INTU: variants seen among roughly 807,000 people sequenced by gnomAD.
INTU encodes inturned planar cell polarity protein.
Under a neutral mutation model 100.5 loss-of-function variants are expected in INTU, and 68 were observed. The observed-to-expected ratio is 0.68, with a 90% CI of 0.56 to 0.83. The LOEUF (loss-of-function observed/expected upper bound fraction) is 0.83, where lower values mean the gene tolerates loss of function less well. INTU is among the 40% of genes least tolerant of loss of function. The pLI is 0.00. For missense variants in INTU, 1,071 were observed against 1,114.7 expected (o/e 0.96, Z 0.56); for synonymous variants, 357 against 395.7 (o/e 0.90, Z 1.16).
chr4:127,676,987 TCGC>T lies in INTU; in HGVS notation c.1181+2775_1181+2777del, dbSNP rs1290170197. On this transcript the variant is annotated intron_variant, in intron 6 of 15. Coordinates refer to ENST00000335251, the MANE Select transcript of INTU (RefSeq NM_015693.4). Reference sequence around the variant, plus strand: ...CGGAGGGTCCTACGCCCACGGAGTCTCGCTGATTGCTAGCACAGCAGTCTGAGA... The same window carrying T: ...CGGAGGGTCCTACGCCCACGGAGTCTTGATTGCTAGCACAGCAGTCTGAGA... Among the ~76,000 whole-genome samples the T allele has an allele frequency of 1.2e-3, 181 of 152,272 alleles. 1 individual carries two copies. The highest frequency in any genetic ancestry group is 3.4e-3 in the Middle Eastern group (1 of 294).
Position 127,643,922 on chromosome 4 carries a change from A to C in INTU, c.548A>C (p.Glu183Ala). The change falls in exon 2 of 16, where the codon GAA becomes GCA. Residue 183 changes from glutamate (E) to alanine (A), a missense_variant. Coordinates refer to ENST00000335251, the MANE Select transcript of INTU (RefSeq NM_015693.4). ...IKAKEQLKLL[E>A]VLVGIIHQTK... is the part of the protein sequence containing the mutation. ...GCCAAAGAGCAGCTCAAGCTTCTGG[A>C]AGTGCTGGTTGGAATTATTCATCAG... The C allele has an allele frequency of 6.2e-7, 1 of 1,614,178 alleles. No individual in the cohort carries two copies. The highest frequency in any genetic ancestry group is 1.1e-5 in the South Asian group (1 of 91,082).
At position 127,643,953 on chromosome 4, in the gene INTU, G is replaced by C; in HGVS notation, c.579G>C (p.Lys193Asn). The stretch of plus-strand genomic sequence containing the variant: ...TGGTTGGAATTATTCATCAGACCAA[G>C]TGGAGCTGGAGAAGAACCGGAAAGC... ...EVLVGIIHQT[K>N]WSWRRTGKQG... The change falls in exon 2 of 16, where the codon AAG (lysine) becomes AAC (asparagine). Residue 193 changes from lysine (K) to asparagine (N), a missense_variant. Physicochemically the swap from Lys to Asn is moderately conservative, Grantham distance 94. Transcript: ENST00000335251. 1 of 1,614,186 alleles carries C rather than the reference G, an allele frequency of 6.2e-7. No individual in the cohort carries two copies. The highest frequency in any genetic ancestry group is 2.2e-5 in the East Asian group (1 of 44,886).
intron 2 of INTU, among the ~76,000 whole-genome samples, chr4:127,653,625 G>A (rs1215368103): frequency 1.3e-5 from 2 of 151,822 alleles, no homozygotes; most frequent in Non-Finnish European, 2.9e-5. Flanking sequence ...ATTTGCTGAG[G>A]AGAGCTTTAC....
chr4:127,643,421 TC>T, intron 1 of INTU, 99 bp from the exon 2 acceptor site: 1 of 822,438 alleles, frequency 1.2e-6, no homozygotes, highest in Non-Finnish European at 1.9e-6. Flanking sequence ...TTTCCCATCT[TC>T]CTGCTCCCCA....
intron 1 of INTU, among the ~76,000 whole-genome samples, chr4:127,634,242 AT>A (rs1344769950): frequency 6.6e-6 from 1 of 152,280 alleles, no homozygotes; most frequent in Non-Finnish European, 1.5e-5. Context: ...CATTAAAAAA[AT>A]AATTTTAAAA....
At chr4:127,707,414 A>AG (rs1394296940) in intron 12 of INTU, among the ~76,000 whole-genome samples, 10 of 151,178 alleles carry the variant, frequency 6.6e-5, no homozygotes, top group Non-Finnish European at 7.4e-5. Context: ...AAAAAAAAAA[A>AG]AAAGAAATAT....
intron 5 of INTU, among the ~76,000 whole-genome samples, chr4:127,671,534 C>T (rs974058025): frequency 1.2e-4 from 18 of 151,996 alleles, no homozygotes; most frequent in African/African-American, 4.3e-4. Flanking sequence ...TGAGTACAAC[C>T]TCTACAGAAA....
At position 127,643,659 on chromosome 4, in the gene INTU, T is replaced by G. The variant is rs757898267; in HGVS notation, c.285T>G (p.Ile95Met). Residue 95 changes from isoleucine (I) to methionine (M), a missense_variant, in exon 2 of 16, where the codon ATT becomes ATG. Physicochemically the swap from Ile to Met is conservative, Grantham distance 10 (BLOSUM62 1). Transcript: ENST00000335251. ...VNHVRFSENE[I>M]IIEDDYKERK... ...ATGTCAGGTTCAGTGAAAATGAGAT[T>G]ATCATTGAAGATGACTACAAAGAAA... is the stretch of plus-strand genomic sequence containing the variant. 17 of 1,613,788 alleles carry G rather than the reference T, an allele frequency of 1.1e-5. No individual in the cohort carries two copies. The highest frequency in any genetic ancestry group is 1.4e-5 in the Non-Finnish European group (16 of 1,179,950).
chr4:127,649,509 A>G (rs906029492), intron 2 of INTU, among the ~76,000 whole-genome samples: 2 of 146,544 alleles, frequency 1.4e-5, no homozygotes, highest in African/African-American at 2.5e-5. Flanking sequence ...AGTGCTTCCA[A>G]TTTTTTTTTT....
At chr4:127,680,083 A>T (rs1729453183) in intron 6 of INTU, among the ~76,000 whole-genome samples, 1 of 152,214 alleles carries the variant, frequency 6.6e-6, no homozygotes. Context: ...ATAGAACAAT[A>T]ACAGAATCTG....
chr4:127,688,237 C>T (rs1729922976), intron 8 of INTU, among the ~76,000 whole-genome samples: 1 of 151,634 alleles, frequency 6.6e-6, no homozygotes, highest in Admixed American at 6.6e-5. Context: ...ACATGGTTGA[C>T]TAACAGTATT....
chr4:127,676,890 C>G (rs1729225905), intron 6 of INTU, among the ~76,000 whole-genome samples: 1 of 152,154 alleles, frequency 6.6e-6, no homozygotes, highest in Non-Finnish European at 1.5e-5. Flanking sequence ...CGGGTCACTC[C>G]CACCCCAATA....
chr4:127,721,324 TTCTGCTGAGAGG>T lies in INTU; in HGVS notation c.*4896_*4907del, dbSNP rs1731342699. 1.3e-5 allele frequency: 2 copies of T among 152,242 alleles called. No individual in the cohort carries two copies. Among genetic ancestry groups the T allele is most frequent in the South Asian group, 4.1e-4 (2 of 4,834 alleles). 9.4% of individuals were successfully genotyped at this position (152,242 alleles called of 1,614,324 possible). A position where few individuals can be genotyped will look rare whatever the true frequency, so the allele number is the denominator to read the frequency against. On this transcript the variant is annotated 3_prime_UTR_variant, in exon 16 of 16. Transcript: ENST00000335251. ...CCCAACCTCTTCCAGCTTATAAGGT[TTCTGCTGAGAGG>T]TCTGCTGTTAGTCTGATGGGCTTCC...
chr4:127,707,070 A>G, intron 12 of INTU, 101 bp downstream of exon 12: 1 of 1,312,136 alleles, frequency 7.6e-7, no homozygotes, highest in Non-Finnish European at 1.0e-6. Flanking sequence ...ACCATTCTTC[A>G]TTTGACATGG....
At chr4:127,700,984 G>T (rs1730622863) in intron 9 of INTU, among the ~76,000 whole-genome samples, 1 of 152,116 alleles carries the variant, frequency 6.6e-6, no homozygotes, top group Admixed American at 6.6e-5. Context: ...GACAGAATTG[G>T]AATATCACCA....
intron 14 of INTU, 84 bp from the exon 15 acceptor site, chr4:127,713,852 A>C: frequency 1.0e-6 from 1 of 964,464 alleles, no homozygotes; most frequent in Non-Finnish European, 1.5e-6. Context: ...TATTTGGATC[A>C]GCCAATTCAG....
intron 15 of INTU, among the ~76,000 whole-genome samples, chr4:127,714,565 A>T (rs1371842905): frequency 6.6e-6 from 1 of 152,138 alleles, no homozygotes. Context: ...TTCCTTCTGC[A>T]TGGGATATTC....
At chr4:127,676,578 A>T in intron 6 of INTU, among the ~76,000 whole-genome samples, 1 of 146,136 alleles carries the variant, frequency 6.8e-6, no homozygotes, top group South Asian at 2.2e-4. Flanking sequence ...AGAGCAAGAC[A>T]ATGTCTCAAA....
In INTU at chr4:127,726,461, A is replaced by G. The variant is rs749669564; in HGVS notation, c.*10025A>G. 2.0e-5 allele frequency: 3 copies of G among 152,228 alleles called. No individual in the cohort carries two copies. The highest frequency in any genetic ancestry group is 4.4e-5 in the Non-Finnish European group (3 of 68,034). The allele number at this position is 152,228 out of a possible 1,614,324, so 9.4% of individuals were successfully genotyped here. On this transcript the variant is annotated 3_prime_UTR_variant, in exon 16 of 16. Coordinates refer to ENST00000335251, the MANE Select transcript of INTU (RefSeq NM_015693.4). ...TTATTATTATCATTATTAAATATCC[A>G]TTGGTTGAAAAACCAAGTAGTCAGC...
Sources: allele counts gnomAD v4.1 joint callset (sites outside exome capture counted in the v4.1 genomes callset), GRCh38; gene constraint gnomAD v4.1.1; transcripts MANE v1.5; gene names NCBI Gene and HGNC (gene_info 2026-07-23, HGNC 2026-07-21).